The following DNAH17 variants were observed in gnomAD, a reference collection of about 807,000 sequenced individuals.
The protein encoded by DNAH17 is axonemal beta dynein heavy chain 17.
Under a neutral mutation model 485.6 loss-of-function variants are expected in DNAH17, and 376 were observed. The observed-to-expected ratio is 0.77, with a 90% CI of 0.71 to 0.84. DNAH17 has a LOEUF of 0.84. DNAH17 is among the 40% of genes least tolerant of loss of function. The probability of loss-of-function intolerance (pLI) is 0.00; values close to 1 mark genes in which losing one functional copy is unlikely to be tolerated. For missense variants in DNAH17, 6,370 were observed against 5,839.3 expected (o/e 1.09, Z -2.96); for synonymous variants, 3,031 against 2,405.9 (o/e 1.26, Z -7.60).
At position 78,444,587 on chromosome 17, in the gene DNAH17, C is replaced by T. The variant is rs562791851; in HGVS notation, c.11528+17G>A. The T allele has an allele frequency of 3.8e-5, 58 of 1,535,060 alleles. No homozygotes were observed. Among genetic ancestry groups the T allele is most frequent in the Middle Eastern group, 1.7e-4 (1 of 5,782 alleles). On this transcript the variant is annotated intron_variant, in intron 71 of 80. Coordinates refer to ENST00000389840, the MANE Select transcript of DNAH17 (RefSeq NM_173628.4). ...TGGGCCTCGGGGGCGGGGCCCCCGG[C>T]GCGGCGGGACACTCACTTGATAGCG... is the stretch of plus-strand genomic sequence containing the variant.
chr17:78,472,533 T>C, intron 54 of DNAH17: 1 of 281,732 alleles, frequency 3.5e-6, no homozygotes, highest in Non-Finnish European at 7.1e-6. Context: ...TGACAGGCTT[T>C]CTTCATGGGG....
At chr17:78,430,314 AAAT>A (rs961574048) in intron 75 of DNAH17, among the ~76,000 whole-genome samples, 2 of 147,160 alleles carry the variant, frequency 1.4e-5, no homozygotes, top group African/African-American at 2.5e-5. Flanking sequence ...ATTGGGATAA[AAAT>A]AAGATAATTG....
Position 78,460,187 on chromosome 17 carries a change from T to C in DNAH17, c.9410A>G (p.Gln3137Arg), listed in dbSNP as rs747873163. Residue 3137 changes from glutamine (Q) to arginine (R), a missense_variant, in exon 59 of 81, where the codon CAG becomes CGG. By Grantham distance (43) the Gln-to-Arg change is conservative. Coordinates refer to ENST00000389840, the MANE Select transcript of DNAH17 (RefSeq NM_173628.4). ...AKAEPALLAA[Q>R]EALDTLNKNN... ...CTTATTCAGAGTGTCCAGAGCCTCC[T>C]GGGCTGCCAGCAGGGCCGGTTCTGC... 10 of 1,608,888 alleles carry C rather than the reference T, an allele frequency of 6.2e-6. No individual in the cohort carries two copies. The South Asian group carries it at 1.1e-4, about 18-fold the overall frequency.
At chr17:78,555,158 C>T (rs1039635276) in intron 14 of DNAH17, among the ~76,000 whole-genome samples, 2 of 152,130 alleles carry the variant, frequency 1.3e-5, no homozygotes, top group South Asian at 2.1e-4. Flanking sequence ...GAGCTGTTAC[C>T]GGCTGAAAAC....
At chr17:78,435,881 G>A (rs543004607) in intron 74 of DNAH17, among the ~76,000 whole-genome samples, 1 of 152,194 alleles carries the variant, frequency 6.6e-6, no homozygotes, top group Non-Finnish European at 1.5e-5. Context: ...TGCAGGCCAA[G>A]GCAGGAGGCG....
At chr17:78,557,852 A>C (rs2092061137) in intron 14 of DNAH17, among the ~76,000 whole-genome samples, 1 of 152,048 alleles carries the variant, frequency 6.6e-6, no homozygotes, top group Admixed American at 6.6e-5. Context: ...GTGACAACAA[A>C]TGCTGGTGTA....
chr17:78,546,952 G>A (rs1390617367), intron 16 of DNAH17, among the ~76,000 whole-genome samples: 2 of 151,904 alleles, frequency 1.3e-5, no homozygotes, highest in Non-Finnish European at 2.9e-5. Context: ...TCCACGTTTA[G>A]GAATTCAGGA....
intron 48 of DNAH17, among the ~76,000 whole-genome samples, chr17:78,483,886 C>T (rs1206032796): frequency 2.0e-5 from 3 of 151,994 alleles, no homozygotes; most frequent in African/African-American, 7.2e-5. Context: ...CACCTGAGGT[C>T]AGGAGTTCGA....
At chr17:78,499,352 T>A (rs2090190299) in intron 36 of DNAH17, 1 of 369,052 alleles carries the variant, frequency 2.7e-6, no homozygotes, top group Non-Finnish European at 4.8e-6. Context: ...GACCCCAGGA[T>A]GGGGACTTCC....
At chr17:78,473,240 G>T (rs1022987305) in intron 54 of DNAH17, among the ~76,000 whole-genome samples, 1 of 152,118 alleles carries the variant, frequency 6.6e-6, no homozygotes, top group Non-Finnish European at 1.5e-5. Context: ...ATCCACAGAA[G>T]CGGCTTAAGA....
chr17:78,550,453 G>A (rs1032384270), intron 16 of DNAH17, among the ~76,000 whole-genome samples: 1 of 152,286 alleles, frequency 6.6e-6, no homozygotes, highest in Non-Finnish European at 1.5e-5. Flanking sequence ...ATTTGGAGAT[G>A]AGAGCTTTAA....
chr17:78,544,899 C>T lies in DNAH17; in HGVS notation c.2392-902G>A, dbSNP rs966411376. On this transcript the variant is annotated intron_variant, in intron 16 of 80. Transcript: ENST00000389840. ...TGTCATTAGATTTTTTTTCCCTACA[C>T]ATCTCCATTAAAGTGATACATATAT... Among the ~76,000 whole-genome samples, 2 of 150,152 alleles carry T rather than the reference C, an allele frequency of 1.3e-5. 1 individual carries two copies. The highest frequency in any genetic ancestry group is 2.9e-5 in the Non-Finnish European group (2 of 67,804).
chr17:78,576,539 G>A (rs2092435277), intron 1 of DNAH17, among the ~76,000 whole-genome samples: 1 of 152,110 alleles, frequency 6.6e-6, no homozygotes, highest in Admixed American at 6.5e-5. Flanking sequence ...GTTCCCACAG[G>A]GCTTTCAGCA....
chr17:78,543,018 G>A (rs532823719), intron 17 of DNAH17, among the ~76,000 whole-genome samples: 1 of 152,368 alleles, frequency 6.6e-6, no homozygotes, highest in South Asian at 2.1e-4. Flanking sequence ...ACCCTTAGCA[G>A]AGGGCAGGCC....
chr17:78,451,413 G>GC (rs2087546757), intron 66 of DNAH17, 56 bp downstream of exon 66: 1 of 1,510,848 alleles, frequency 6.6e-7, no homozygotes, highest in African/African-American at 1.4e-5. Flanking sequence ...CAGTGACCTG[G>GC]CCCCCTCTGT....
rs1171007745 is a variant in DNAH17 at position 78,510,372 on chromosome 17, A to G, written c.4236+12T>C. On this transcript the variant is annotated intron_variant, in intron 27 of 80. Coordinates refer to ENST00000389840, the MANE Select transcript of DNAH17 (RefSeq NM_173628.4). Reference sequence around the variant, plus strand: ...CCCACGTTGCACAGACAGCACCGCCAGCACGGCCTACCTTTTCCATGCCCG... The same window carrying G: ...CCCACGTTGCACAGACAGCACCGCCGGCACGGCCTACCTTTTCCATGCCCG... 8 of 1,611,484 alleles carry G rather than the reference A, an allele frequency of 5.0e-6. No homozygotes were observed. The South Asian group carries it at 8.8e-5, about 18-fold the overall frequency.
intron 62 of DNAH17, among the ~76,000 whole-genome samples, chr17:78,456,194 G>A (rs2087790622): frequency 6.6e-6 from 1 of 152,212 alleles, no homozygotes; most frequent in Non-Finnish European, 1.5e-5. Context: ...AGCTATTCAA[G>A]AAGCCGAGGC....
intron 49 of DNAH17, 48 bp from the exon 50 acceptor site, chr17:78,479,680 T>C (rs1039820507): frequency 8.7e-6 from 14 of 1,605,148 alleles, no homozygotes; most frequent in Middle Eastern, 3.8e-4. Flanking sequence ...CTTGGGGACC[T>C]GCCTGGGGCC....
chr17:78,430,079 A>C (rs2086621082), intron 75 of DNAH17, among the ~76,000 whole-genome samples: 1 of 152,096 alleles, frequency 6.6e-6, no homozygotes, highest in South Asian at 2.1e-4. Flanking sequence ...GTCTCACGTC[A>C]CACCTTTGCT....
Sources: allele counts gnomAD v4.1 joint callset (sites outside exome capture counted in the v4.1 genomes callset), GRCh38; gene constraint gnomAD v4.1.1; transcripts MANE v1.5; gene names NCBI Gene and HGNC (gene_info 2026-07-23, HGNC 2026-07-21).